The following ADGRE1 variants were observed in gnomAD, a reference collection of about 807,000 sequenced individuals.
ADGRE1 encodes the protein adhesion G protein-coupled receptor E1, also known as EGF-like module receptor 1.
ADGRE1 carries 82 observed loss-of-function variants against 102.7 expected under a neutral mutation model. The observed-to-expected ratio is 0.80, with a 90% CI of 0.67 to 0.96. The LOEUF is 0.96. ADGRE1 is among the 40% of genes least tolerant of loss of function. The pLI is 0.00. For synonymous variants in ADGRE1, 398 were observed against 399.6 expected, an observed-to-expected ratio of 1.00 and a Z score of 0.05; for missense variants, 1,032 against 1,085.3, an observed-to-expected ratio of 0.95 and a Z score of 0.69.
chr19:6,906,413 T>A lies in ADGRE1; in HGVS notation c.950-20T>A, dbSNP rs746388996. The A allele has an allele frequency of 7.5e-6, 12 of 1,595,794 alleles. No homozygotes were observed. Among genetic ancestry groups the A allele is most frequent in the East Asian group, 4.5e-5 (2 of 44,656 alleles). ...TGCTGAGGTTGAAGTTTGGTTTGGTTGCTGTTGTTTTCTTCCTAGGGGTTC... is the reference window on the plus strand; with the variant it reads ...TGCTGAGGTTGAAGTTTGGTTTGGTAGCTGTTGTTTTCTTCCTAGGGGTTC... On this transcript the variant is annotated intron_variant, in intron 8 of 20. Transcript: ENST00000312053.
In ADGRE1 at chr19:6,901,893, A is replaced by G. The variant is rs1475175060; in HGVS notation, c.533A>G (p.Asp178Gly). ...STCEDVDECA[D>G]PRACPEHATC... ...TCTTCAGACGTGGATGAATGTGCAGATCCAAGAGCTTGCCCAGAGCATGCA... is the reference window on the plus strand; with the variant it reads ...TCTTCAGACGTGGATGAATGTGCAGGTCCAAGAGCTTGCCCAGAGCATGCA... The change falls in exon 6 of 21, where the codon GAT (aspartate) becomes GGT (glycine). Residue 178 changes from aspartate to glycine, a missense_variant. Coordinates refer to ENST00000312053, the MANE Select transcript of ADGRE1 (RefSeq NM_001974.5). 1 of 1,614,188 alleles carries G rather than the reference A, an allele frequency of 6.2e-7. No homozygotes were observed. The highest frequency in any genetic ancestry group is 1.3e-5 in the African/African-American group (1 of 75,044).
Position 6,917,563 on chromosome 19 carries a change from A to G in ADGRE1, c.1420+1195A>G, listed in dbSNP as rs1048978347. On this transcript the variant is annotated intron_variant, in intron 12 of 20. Coordinates refer to ENST00000312053, the MANE Select transcript of ADGRE1 (RefSeq NM_001974.5). ...AGACCAGCCTGACCAATATGGTGAA[A>G]TCTCATCTCTACTAAAAATATAAAG... Among the ~76,000 whole-genome samples the G allele has an allele frequency of 5.3e-5, 8 of 152,002 alleles. 1 individual carries two copies. The highest frequency in any genetic ancestry group is 1.4e-4 in the African/African-American group (6 of 41,384).
chr19:6,921,993 G>A, intron 14 of ADGRE1, 110 bp downstream of exon 14: 2 of 1,325,824 alleles, frequency 1.5e-6, no homozygotes, highest in South Asian at 3.0e-5. Context: ...GGTGTTGTGG[G>A]ATGGAGTCAC....
chr19:6,924,882 G>A lies in ADGRE1; in HGVS notation c.1986+10G>A, dbSNP rs771178466. 1.7e-5 allele frequency: 28 copies of A among 1,612,990 alleles called. No individual in the cohort carries two copies. The highest frequency in any genetic ancestry group is 2.2e-5 in the East Asian group (1 of 44,852). On this transcript the variant is annotated intron_variant, in intron 15 of 20. Coordinates refer to ENST00000312053, the MANE Select transcript of ADGRE1 (RefSeq NM_001974.5). ...CAAGACTGACAACAAGGTCTACATC[G>A]CTCGGGCTGTGTCCCCACCAAGCCC...
At chr19:6,939,521 T>TC (rs1469579831) in intron 20 of ADGRE1, among the ~76,000 whole-genome samples, 1 of 152,136 alleles carries the variant, frequency 6.6e-6, no homozygotes. Flanking sequence ...ATCTGGGTTT[T>TC]CCCCAGTTTT....
chr19:6,888,507 C>T (rs753914261), intron 1 of ADGRE1, among the ~76,000 whole-genome samples: 5 of 152,140 alleles, frequency 3.3e-5, no homozygotes, highest in Non-Finnish European at 7.3e-5. Context: ...ATATTGGGGA[C>T]ATATTCTAAG....
intron 17 of ADGRE1, among the ~76,000 whole-genome samples, chr19:6,929,710 G>A (rs1166485839): frequency 6.6e-6 from 1 of 151,948 alleles, no homozygotes; most frequent in African/African-American, 2.4e-5. Flanking sequence ...TAATAGAGAT[G>A]GGTTTTCACC....
intron 10 of ADGRE1, among the ~76,000 whole-genome samples, chr19:6,910,464 C>T (rs1042790960): frequency 2.6e-5 from 4 of 151,770 alleles, no homozygotes; most frequent in South Asian, 2.1e-4. Flanking sequence ...TAAATAGCCA[C>T]GTTCTCTTAA....
chr19:6,926,853 T>G (rs1217485344), intron 16 of ADGRE1, among the ~76,000 whole-genome samples: 1 of 152,130 alleles, frequency 6.6e-6, no homozygotes, highest in Non-Finnish European at 1.5e-5. Flanking sequence ...AACTTGATTA[T>G]TTTCCTTTTC....
chr19:6,889,687 CAAAAAAAAAA>C (rs1178774112), intron 1 of ADGRE1, among the ~76,000 whole-genome samples: 2 of 41,768 alleles, frequency 4.8e-5, no homozygotes, highest in East Asian at 1.5e-3. Context: ...GACTCCATCT[CAAAAAAAAAA>C]AAAAAAAAAA....
chr19:6,926,036 G>T (rs2144998920), intron 15 of ADGRE1, among the ~76,000 whole-genome samples: 1 of 152,212 alleles, frequency 6.6e-6, no homozygotes, highest in African/African-American at 2.4e-5. Context: ...CCAGCCTATG[G>T]GGTCTAGTTT....
rs1973553683 is a variant in ADGRE1, at chr19:6,896,446, C to T, written c.143C>T (p.Thr48Ile). 6.2e-7 allele frequency: 1 copy of T among 1,614,120 alleles called. No individual in the cohort carries two copies. The highest frequency in any genetic ancestry group is 8.5e-7 in the Non-Finnish European group (1 of 1,180,004). The part of the protein sequence containing the change: ...STLCPAYATC[T>I]NTVDSYYCAC... ...TTGTGCCCAGCTTATGCCACCTGCA[C>T]CAATACAGTGGACAGTTACTATTGC... Residue 48 changes from threonine to isoleucine, a missense_variant, in exon 3 of 21, where the codon ACC becomes ATC. Thr to Ile is a moderately conservative substitution (Grantham distance 89). Coordinates refer to ENST00000312053, the MANE Select transcript of ADGRE1 (RefSeq NM_001974.5).
intron 1 of ADGRE1, among the ~76,000 whole-genome samples, chr19:6,888,406 G>T (rs1973225392): frequency 6.6e-6 from 1 of 152,180 alleles, no homozygotes. Flanking sequence ...TCAGGTGTCA[G>T]TTTGTCTCAG....
intron 10 of ADGRE1, among the ~76,000 whole-genome samples, chr19:6,912,088 AC>A (rs1381533919): frequency 9.9e-5 from 15 of 151,764 alleles, no homozygotes; most frequent in African/African-American, 3.7e-4. Context: ...ACACAAACAC[AC>A]ATATATACAC....
At chr19:6,932,289 A>C (rs986450256) in intron 17 of ADGRE1, among the ~76,000 whole-genome samples, 2 of 151,934 alleles carry the variant, frequency 1.3e-5, no homozygotes, top group Admixed American at 6.6e-5. Context: ...TAACATGGTG[A>C]AACCCCGTCT....
intron 17 of ADGRE1, 152 bp from the exon 18 acceptor site, chr19:6,934,835 G>T: frequency 2.9e-6 from 1 of 350,264 alleles, no homozygotes; most frequent in Non-Finnish European, 5.2e-6. Context: ...TCGAATTCCT[G>T]ACCTCAAGAG....
chr19:6,937,142 G>T, intron 18 of ADGRE1, 101 bp from the exon 19 acceptor site: 3 of 1,361,472 alleles, frequency 2.2e-6, no homozygotes, highest in Non-Finnish European at 3.0e-6. Context: ...CACCTAGGTG[G>T]CAAATTGGAG....
intron 10 of ADGRE1, among the ~76,000 whole-genome samples, chr19:6,910,195 C>T (rs1181219706): frequency 1.1e-4 from 16 of 151,788 alleles, no homozygotes; most frequent in Admixed American, 1.0e-3. Context: ...ATACATTCAT[C>T]CCTAGGGTTT....
chr19:6,913,697 G>A lies in ADGRE1; in HGVS notation c.1167G>A (p.Thr389=). Reference sequence around the variant, plus strand: ...TCCCTGTGCTTAAACAAATATCCACGTGGACTAAATTCACCAAGGAAGAGA... The same window carrying A: ...TCCCTGTGCTTAAACAAATATCCACATGGACTAAATTCACCAAGGAAGAGA... ...SFVPVLKQIS[T]WTKFTKEETS... is the part of the protein sequence containing the mutation. Residue 389 remains threonine, a synonymous_variant, in exon 11 of 21, where the codon ACG becomes ACA. Transcript: ENST00000312053. 3 of 1,612,338 alleles carry A rather than the reference G, an allele frequency of 1.9e-6. No homozygotes were observed. The highest frequency in any genetic ancestry group is 1.3e-5 in the African/African-American group (1 of 75,012).
Sources: gnomAD v4.1 joint callset for allele counts (sites outside exome capture counted in the v4.1 genomes callset) on GRCh38, gnomAD v4.1.1 for gene constraint, MANE v1.5 for transcripts, NCBI Gene and HGNC (gene_info 2026-07-23, HGNC 2026-07-21) for gene names.